CDH18: variants seen among roughly 807,000 people sequenced by gnomAD.
CDH18 encodes cadherin-18.
Under a neutral mutation model 67.9 loss-of-function variants are expected in CDH18, and 31 were observed. That is an observed-to-expected ratio of 0.46 (90% CI 0.34 to 0.62). CDH18 has a LOEUF of 0.62. Among genes scored for constraint, CDH18 ranks in the 20% least tolerant of loss-of-function variants. The pLI is 0.01. For synonymous variants in CDH18, 362 were observed against 347.2 expected, an observed-to-expected ratio of 1.04 and a Z score of -0.48; for missense variants, 890 against 975.5, an observed-to-expected ratio of 0.91 and a Z score of 1.17.
At chr5:19,837,873 T>C (rs754589098) in intron 3 of CDH18, among the ~76,000 whole-genome samples, 2 of 152,170 alleles carry the variant, frequency 1.3e-5, no homozygotes, top group Admixed American at 6.6e-5. Context: ...GTTTCTCCCA[T>C]AGGTTTTGAA....
chr5:19,816,292 C>T (rs1405654113), intron 3 of CDH18, among the ~76,000 whole-genome samples: 4 of 151,680 alleles, frequency 2.6e-5, no homozygotes, highest in Admixed American at 1.3e-4. Flanking sequence ...TGGAGATAAA[C>T]ATAGAGTTTC....
intron 2 of CDH18, among the ~76,000 whole-genome samples, chr5:20,122,325 TG>T (rs1172550833): frequency 6.6e-6 from 1 of 152,194 alleles, no homozygotes; most frequent in Non-Finnish European, 1.5e-5. Context: ...GTTTTCTCTA[TG>T]TTTTTTGTAA....
At chr5:19,672,964 T>C (rs1758953365) in intron 5 of CDH18, among the ~76,000 whole-genome samples, 1 of 152,018 alleles carries the variant, frequency 6.6e-6, no homozygotes, top group Non-Finnish European at 1.5e-5. Flanking sequence ...TGACCTTTTC[T>C]TAAGACACAT....
intron 2 of CDH18, among the ~76,000 whole-genome samples, chr5:20,243,047 A>G (rs1743109720): frequency 6.6e-6 from 1 of 152,150 alleles, no homozygotes; most frequent in Non-Finnish European, 1.5e-5. Flanking sequence ...AAGTAAGTAG[A>G]TATGTGGGTT....
chr5:20,550,480 T>C (rs1028091215), intron 1 of CDH18, among the ~76,000 whole-genome samples: 28 of 152,184 alleles, frequency 1.8e-4, no homozygotes, highest in African/African-American at 6.8e-4. Context: ...GAACTTTTCT[T>C]CTCTAAATCT....
chr5:20,146,395 A>T (rs1240616475), intron 2 of CDH18, among the ~76,000 whole-genome samples: 1 of 152,110 alleles, frequency 6.6e-6, no homozygotes, highest in Non-Finnish European at 1.5e-5. Context: ...TAGAGAAAGG[A>T]ACGCTAAGGT....
chr5:20,290,121 C>T (rs536401010), intron 1 of CDH18, among the ~76,000 whole-genome samples: 38 of 152,150 alleles, frequency 2.5e-4, no homozygotes, highest in African/African-American at 8.9e-4. Flanking sequence ...CAGTGGTTCC[C>T]AAAGGTTATA....
chr5:20,517,007 A>C (rs1342563929), intron 1 of CDH18, among the ~76,000 whole-genome samples: 2 of 151,982 alleles, frequency 1.3e-5, no homozygotes, highest in East Asian at 3.9e-4. Context: ...TTCATCTTAA[A>C]GCACATTTTG....
intron 3 of CDH18, among the ~76,000 whole-genome samples, chr5:19,788,684 A>C (rs2149806147): frequency 1.3e-5 from 2 of 152,368 alleles, no homozygotes; most frequent in East Asian, 3.9e-4. Context: ...TAGAAGACAC[A>C]TAATTTTATA....
At chr5:20,265,753 T>C (rs1744985818) in intron 1 of CDH18, among the ~76,000 whole-genome samples, 1 of 152,166 alleles carries the variant, frequency 6.6e-6, no homozygotes, top group South Asian at 2.1e-4. Flanking sequence ...CCACTGTTAT[T>C]GGTGATAAAA....
intron 3 of CDH18, among the ~76,000 whole-genome samples, chr5:19,811,795 G>C (rs866959955): frequency 2.6e-5 from 4 of 151,914 alleles, no homozygotes; most frequent in Admixed American, 6.6e-5. Flanking sequence ...CAAAACAATA[G>C]TGGAAAAATT....
intron 2 of CDH18, among the ~76,000 whole-genome samples, chr5:20,045,063 T>C (rs1291612523): frequency 6.6e-6 from 1 of 152,170 alleles, no homozygotes; most frequent in African/African-American, 2.4e-5. Context: ...TCTATCAGCA[T>C]TACCCTCTCT....
At chr5:20,184,187 A>C in intron 2 of CDH18, among the ~76,000 whole-genome samples, 1 of 152,146 alleles carries the variant, frequency 6.6e-6, no homozygotes, top group East Asian at 1.9e-4. Flanking sequence ...TTCCCTAATT[A>C]TAGATGAGGG....
At chr5:19,660,254 G>C (rs1476572399) in intron 5 of CDH18, among the ~76,000 whole-genome samples, 2 of 152,052 alleles carry the variant, frequency 1.3e-5, no homozygotes, top group Non-Finnish European at 2.9e-5. Flanking sequence ...CAACATACGT[G>C]AACGTTCAAC....
At chr5:20,465,171 G>T (rs1197109131) in intron 1 of CDH18, among the ~76,000 whole-genome samples, 1 of 152,102 alleles carries the variant, frequency 6.6e-6, no homozygotes, top group African/African-American at 2.4e-5. Context: ...AGCCTAGACA[G>T]TGTAGATGGT....
intron 9 of CDH18, among the ~76,000 whole-genome samples, chr5:19,522,663 G>C (rs1747089939): frequency 6.6e-6 from 1 of 152,114 alleles, no homozygotes. Context: ...GGGAGGCTGA[G>C]GTAGGAGGAA....
At chr5:19,690,293 T>C (rs1761690934) in intron 5 of CDH18, among the ~76,000 whole-genome samples, 1 of 151,556 alleles carries the variant, frequency 6.6e-6, no homozygotes, top group African/African-American at 2.4e-5. Flanking sequence ...ACCTATTGGA[T>C]ACAGCAAAAG....
chr5:20,227,972 A>C (rs555528081), intron 2 of CDH18, among the ~76,000 whole-genome samples: 1 of 152,236 alleles, frequency 6.6e-6, no homozygotes, highest in East Asian at 1.9e-4. Context: ...CTCACCATTC[A>C]GCTAACATTG....
At chr5:20,389,913 G>A (rs938392461) in intron 1 of CDH18, among the ~76,000 whole-genome samples, 6 of 152,162 alleles carry the variant, frequency 3.9e-5, no homozygotes, top group Non-Finnish European at 5.9e-5. Flanking sequence ...AATAAATGGT[G>A]ATGGGAAAAC....
Sources: allele counts gnomAD v4.1 joint callset (sites outside exome capture counted in the v4.1 genomes callset), GRCh38; gene constraint gnomAD v4.1.1; transcripts MANE v1.5; gene names NCBI Gene and HGNC (gene_info 2026-07-23, HGNC 2026-07-21).